LRRTM4: variants seen among roughly 807,000 people sequenced by gnomAD.
LRRTM4 encodes the protein leucine rich repeat transmembrane neuronal 4, also known as leucine-rich repeat transmembrane neuronal protein 4.
A neutral mutation model predicts 47.6 loss-of-function variants in LRRTM4; 25 were observed. That is an observed-to-expected ratio of 0.53 (90% CI 0.38 to 0.73). The LOEUF is 0.73. Among genes scored for constraint, LRRTM4 ranks in the 30% least tolerant of loss-of-function variants. LRRTM4 has a pLI of 0.00. For missense variants in LRRTM4, 638 were observed against 713.4 expected (o/e 0.89, Z 1.20); for synonymous variants, 311 against 269.5 (o/e 1.15, Z -1.51).
intron 3 of LRRTM4, among the ~76,000 whole-genome samples, chr2:77,315,530 A>T (rs535446836): frequency 6.6e-6 from 1 of 152,326 alleles, no homozygotes; most frequent in East Asian, 1.9e-4. Context: ...TATTTGTAAT[A>T]ATTATGACTA....
chr2:77,212,311 T>C (rs1231244466), intron 3 of LRRTM4, among the ~76,000 whole-genome samples: 2 of 151,330 alleles, frequency 1.3e-5, no homozygotes, highest in South Asian at 2.1e-4. Flanking sequence ...ACTAAATTAA[T>C]ACAAAGTGGT....
chr2:77,148,764 T>C (rs1558605303), intron 3 of LRRTM4, among the ~76,000 whole-genome samples: 1 of 152,168 alleles, frequency 6.6e-6, no homozygotes, highest in Non-Finnish European at 1.5e-5. Flanking sequence ...AAGCTGTTGG[T>C]GAACTCCTAT....
At chr2:77,328,021 G>T (rs1173350926) in intron 3 of LRRTM4, among the ~76,000 whole-genome samples, 2 of 152,138 alleles carry the variant, frequency 1.3e-5, no homozygotes, top group East Asian at 1.9e-4. Flanking sequence ...TCATTTCACA[G>T]ATTTACAACT....
intron 3 of LRRTM4, among the ~76,000 whole-genome samples, chr2:77,395,207 A>G (rs2103822872): frequency 6.6e-6 from 1 of 152,014 alleles, no homozygotes; most frequent in Non-Finnish European, 1.5e-5. Flanking sequence ...CCAATATAAG[A>G]GGCGTATCTG....
At chr2:77,416,624 TCTAA>T (rs757478345) in intron 3 of LRRTM4, among the ~76,000 whole-genome samples, 40 of 152,196 alleles carry the variant, frequency 2.6e-4, no homozygotes, top group Admixed American at 5.2e-4. Flanking sequence ...AAAAGTTATC[TCTAA>T]CTAAGGTGTT....
At chr2:76,781,708 C>T (rs571195769) in intron 3 of LRRTM4, among the ~76,000 whole-genome samples, 1 of 152,292 alleles carries the variant, frequency 6.6e-6, no homozygotes, top group African/African-American at 2.4e-5. Flanking sequence ...AGAAATCACC[C>T]GTCCTCTGCG....
intron 3 of LRRTM4, among the ~76,000 whole-genome samples, chr2:76,793,699 TTGCAAAG>T (rs1675102784): frequency 6.6e-6 from 1 of 152,136 alleles, no homozygotes; most frequent in South Asian, 2.1e-4. Context: ...TTGCCAGCCT[TTGCAAAG>T]TGTCTTCCAT....
At chr2:77,427,486 A>G (rs1054707652) in intron 3 of LRRTM4, among the ~76,000 whole-genome samples, 9 of 152,244 alleles carry the variant, frequency 5.9e-5, no homozygotes, top group Non-Finnish European at 1.2e-4. Flanking sequence ...GAAAAGAAGT[A>G]TAGATTTGAA....
chr2:76,821,472 C>G (rs990350220), intron 3 of LRRTM4, among the ~76,000 whole-genome samples: 2 of 151,550 alleles, frequency 1.3e-5, no homozygotes, highest in African/African-American at 2.4e-5. Context: ...AGAGAAAAGC[C>G]ATCATTTCTA....
intron 3 of LRRTM4, among the ~76,000 whole-genome samples, chr2:77,327,897 C>T (rs553247770): frequency 6.6e-6 from 1 of 152,022 alleles, no homozygotes; most frequent in African/African-American, 2.4e-5. Context: ...GAGGGAAAAG[C>T]AGAGGAAATT....
chr2:76,891,801 T>G (rs1293629041), intron 3 of LRRTM4, among the ~76,000 whole-genome samples: 1 of 151,662 alleles, frequency 6.6e-6, no homozygotes, highest in South Asian at 2.1e-4. Flanking sequence ...TAAATGATAA[T>G]AGATGAAGCC....
At chr2:77,352,106 CTAT>C (rs1671805229) in intron 3 of LRRTM4, among the ~76,000 whole-genome samples, 1 of 152,116 alleles carries the variant, frequency 6.6e-6, no homozygotes, top group Non-Finnish European at 1.5e-5. Flanking sequence ...AGGGAAGATT[CTAT>C]TATTATAGGA....
At chr2:77,049,665 AGT>A (rs758679099) in intron 3 of LRRTM4, among the ~76,000 whole-genome samples, 1 of 150,832 alleles carries the variant, frequency 6.6e-6, no homozygotes, top group Non-Finnish European at 1.5e-5. Flanking sequence ...GACTTGCTTG[AGT>A]TTCTTATTTA....
intron 3 of LRRTM4, among the ~76,000 whole-genome samples, chr2:77,164,779 C>A (rs1309691069): frequency 6.6e-6 from 1 of 152,254 alleles, no homozygotes; most frequent in South Asian, 2.1e-4. Context: ...AACAAAGACA[C>A]AACATGCCAA....
At chr2:77,439,260 G>A (rs1675737005) in intron 3 of LRRTM4, among the ~76,000 whole-genome samples, 1 of 152,114 alleles carries the variant, frequency 6.6e-6, no homozygotes, top group Admixed American at 6.5e-5. Context: ...TATTTCAAAT[G>A]ATTTATAATG....
intron 3 of LRRTM4, among the ~76,000 whole-genome samples, chr2:77,021,555 T>A (rs1049786629): frequency 6.6e-6 from 1 of 152,148 alleles, no homozygotes; most frequent in Non-Finnish European, 1.5e-5. Flanking sequence ...AGTTGGCATT[T>A]TGTGAAGAAA....
rs574244524 is a variant in LRRTM4, at chr2:77,254,967, T to C, written c.1551+263351A>G. On this transcript the variant is annotated intron_variant, in intron 3 of 3. Coordinates refer to ENST00000409884, the MANE Select transcript of LRRTM4 (RefSeq NM_001134745.3). ...AATTACATTCATTAAACGTAAATAA[T>C]CTAAATAAAACAAAACACAGAGATG... 2.7e-5 allele frequency among the ~76,000 whole-genome samples: 4 copies of C among 148,716 alleles called. No homozygotes were observed. In the South Asian group the frequency reaches 8.4e-4, roughly 31 times the overall value.
At chr2:76,956,492 G>A (rs1017676600) in intron 3 of LRRTM4, among the ~76,000 whole-genome samples, 1 of 151,130 alleles carries the variant, frequency 6.6e-6, no homozygotes, top group African/African-American at 2.4e-5. Flanking sequence ...AGCAGCAAAT[G>A]CCTACATTAT....
intron 3 of LRRTM4, among the ~76,000 whole-genome samples, chr2:77,287,992 C>A (rs1676711499): frequency 6.6e-6 from 1 of 152,036 alleles, no homozygotes; most frequent in Non-Finnish European, 1.5e-5. Flanking sequence ...GTTGTCTCAA[C>A]ATTCTTCAAG....
Sources: allele counts gnomAD v4.1 joint callset (sites outside exome capture counted in the v4.1 genomes callset), GRCh38; gene constraint gnomAD v4.1.1; transcripts MANE v1.5; gene names NCBI Gene and HGNC (gene_info 2026-07-23, HGNC 2026-07-21).